Variants in MACC1 observed in about 807,000 individuals in gnomAD.
The protein encoded by MACC1 is MET transcriptional regulator MACC1.
In MACC1, 79 loss-of-function variants were observed where a neutral mutation model predicts 70.7. That is an observed-to-expected ratio of 1.12 (90% CI 0.93 to 1.35). The LOEUF is 1.35. Among genes scored for constraint, MACC1 ranks in the 40% most tolerant of loss-of-function variants. The pLI, the probability that MACC1 is intolerant of heterozygous loss-of-function variation, is 0.00. For synonymous variants in MACC1, 361 were observed against 347.2 expected (o/e 1.04, Z -0.44); for missense variants, 1,106 against 978.1 (o/e 1.13, Z -1.74).
At chr7:20,206,599 G>T (rs1782913813) in intron 1 of MACC1, among the ~76,000 whole-genome samples, 1 of 152,112 alleles carries the variant, frequency 6.6e-6, no homozygotes. Context: ...TAACACCCCT[G>T]GGAGAGCCAT....
chr7:20,166,543 T>G (rs114453711), intron 2 of MACC1, among the ~76,000 whole-genome samples: 3,227 of 152,258 alleles, frequency 0.021, 113 homozygotes, highest in African/African-American at 0.071. Flanking sequence ...TTCTCCCAGT[T>G]ATTAAATACT....
intron 1 of MACC1, among the ~76,000 whole-genome samples, chr7:20,186,105 A>G (rs1249111932): frequency 2.0e-5 from 3 of 152,202 alleles, no homozygotes; most frequent in East Asian, 3.8e-4. Context: ...CTACTATTAC[A>G]TTTACGATAG....
chr7:20,169,907 A>T (rs913136128), intron 2 of MACC1, among the ~76,000 whole-genome samples: 1 of 152,236 alleles, frequency 6.6e-6, no homozygotes, highest in African/African-American at 2.4e-5. Context: ...CCTCCTGGTT[A>T]TTCCAGTGCA....
At chr7:20,151,012 C>T (rs746208139) in intron 6 of MACC1, among the ~76,000 whole-genome samples, 4 of 150,086 alleles carry the variant, frequency 2.7e-5, no homozygotes, top group Non-Finnish European at 4.4e-5. Context: ...TGTGCCATTG[C>T]ACTCCAGCCT....
chr7:20,208,019 T>A (rs964857877), intron 1 of MACC1, among the ~76,000 whole-genome samples: 2 of 152,204 alleles, frequency 1.3e-5, no homozygotes, highest in Admixed American at 1.3e-4. Context: ...GATGCTTTTA[T>A]AAGTGTCTGG....
At chr7:20,205,026 C>T (rs560172827) in intron 1 of MACC1, among the ~76,000 whole-genome samples, 76 of 151,876 alleles carry the variant, frequency 5.0e-4, no homozygotes, top group Middle Eastern at 3.4e-3. Context: ...GAGCAAGTTT[C>T]GGTAAATTTT....
intron 1 of MACC1, among the ~76,000 whole-genome samples, chr7:20,183,736 T>C (rs1006823106): frequency 7.3e-6 from 1 of 137,172 alleles, no homozygotes; most frequent in African/African-American, 2.9e-5. Context: ...TGAGGGAGAG[T>C]CTCACTCTGT....
At position 20,158,330 on chromosome 7, in the gene MACC1, G is replaced by A; in HGVS notation, c.2031C>T (p.Ser677=). ...CTTGAATTTGATCAAAATCTTCCAG[G>A]GACAGATGTGAGTAACCCAGGACAT... The part of the protein sequence containing the change: ...LADVLGYSHL[S]LEDFDQIQAD... Residue 677 remains serine (S), a synonymous_variant, in exon 5 of 7, where the codon TCC becomes TCT. Coordinates refer to ENST00000400331, the MANE Select transcript of MACC1 (RefSeq NM_182762.4). The A allele has an allele frequency of 1.2e-6, 2 of 1,613,628 alleles. No homozygotes were observed. Among genetic ancestry groups the A allele is most frequent in the South Asian group, 1.1e-5 (1 of 90,996 alleles).
At chr7:20,195,971 G>T (rs911618610) in intron 1 of MACC1, among the ~76,000 whole-genome samples, 1 of 151,886 alleles carries the variant, frequency 6.6e-6, no homozygotes, top group South Asian at 2.1e-4. Flanking sequence ...CATTAATACT[G>T]GTCAGTTGTC....
chr7:20,203,958 T>TA (rs1001555723), intron 1 of MACC1, among the ~76,000 whole-genome samples: 3 of 151,832 alleles, frequency 2.0e-5, no homozygotes, highest in Admixed American at 6.6e-5. Context: ...ATATATTAAG[T>TA]AAAAAAAAGG....
At chr7:20,191,041 T>G (rs1450476446) in intron 1 of MACC1, among the ~76,000 whole-genome samples, 1 of 152,216 alleles carries the variant, frequency 6.6e-6, no homozygotes. Flanking sequence ...TAAGCATTTT[T>G]TCTTAGTGGA....
In MACC1 at chr7:20,138,519, A is replaced by G. The variant is rs1781749999; in HGVS notation, c.*2427T>C. ...TTCTAAAGAAAGCAAAATCACCACA[A>G]AAAAGGACTGTGTTCTGAAAGTAAA... On this transcript the variant is annotated 3_prime_UTR_variant, in exon 7 of 7. Coordinates refer to ENST00000400331, the MANE Select transcript of MACC1 (RefSeq NM_182762.4). 6.6e-6 allele frequency: 1 copy of G among 152,130 alleles called. No homozygotes were observed. Among genetic ancestry groups the G allele is most frequent in the Non-Finnish European group, 1.5e-5 (1 of 68,020 alleles). The allele number at this position is 152,130 out of a possible 1,614,324, so 9.4% of individuals were successfully genotyped here. A position where few individuals can be genotyped will look rare whatever the true frequency, so the allele number is the denominator to read the frequency against.
At chr7:20,201,884 C>A (rs1782839291) in intron 1 of MACC1, among the ~76,000 whole-genome samples, 1 of 152,204 alleles carries the variant, frequency 6.6e-6, no homozygotes, top group Non-Finnish European at 1.5e-5. Flanking sequence ...CCAGTTGGAA[C>A]CATGTCTTCC....
In MACC1 at chr7:20,136,148, G is replaced by C. The variant is rs1781715093; in HGVS notation, c.*4798C>G. 6.6e-6 allele frequency: 1 copy of C among 152,234 alleles called. No homozygotes were observed. Among genetic ancestry groups the C allele is most frequent in the Non-Finnish European group, 1.5e-5 (1 of 68,034 alleles). The allele number at this position is 152,234 out of a possible 1,614,324, so 9.4% of individuals were successfully genotyped here. ...TTCAAGTTCCTTGTTTTACTGGTGA[G>C]AAAACTGAAGACCAGAGAGGCCAAG... On this transcript the variant is annotated 3_prime_UTR_variant, in exon 7 of 7. Coordinates refer to ENST00000400331, the MANE Select transcript of MACC1 (RefSeq NM_182762.4).
chr7:20,137,449 A>C lies in MACC1; in HGVS notation c.*3497T>G, dbSNP rs1459394846. Reference sequence around the variant, plus strand: ...TGCTTCTACTTAATTGTTTCATATAAAGGCTTTAACACAAAGGAGGTAGAG... The same window carrying C: ...TGCTTCTACTTAATTGTTTCATATACAGGCTTTAACACAAAGGAGGTAGAG... On this transcript the variant is annotated 3_prime_UTR_variant, in exon 7 of 7. Transcript: ENST00000400331. 1 of 152,252 alleles carries C rather than the reference A, an allele frequency of 6.6e-6. No individual in the cohort carries two copies. Among genetic ancestry groups the C allele is most frequent in the Non-Finnish European group, 1.5e-5 (1 of 68,040 alleles). 9.4% of individuals were successfully genotyped at this position (152,252 alleles called of 1,614,324 possible).
rs1782089519 is a variant in MACC1 at position 20,158,562 on chromosome 7, C to T, written c.1799G>A (p.Gly600Glu). The change falls in exon 5 of 7, where the codon GGA becomes GAA. Residue 600 changes from glycine to glutamate, a missense_variant. Physicochemically the swap from Gly to Glu is moderately conservative, Grantham distance 98. Transcript: ENST00000400331. ...GQSKVKEWYV[G>E]VLRGKIGLVH... ...AAGTCCAATCTTACCTCTGAGGACT[C>T]CTACATACCATTCTTTCACTTTGGA... 1 of 1,614,010 alleles carries T rather than the reference C, an allele frequency of 6.2e-7. No homozygotes were observed. The highest frequency in any genetic ancestry group is 8.5e-7 in the Non-Finnish European group (1 of 1,179,960).
chr7:20,161,855 A>G lies in MACC1; in HGVS notation c.8T>C (p.Ile3Thr). The change falls in exon 4 of 7, where the codon ATC (isoleucine) becomes ACC (threonine). Residue 3 changes from isoleucine (I) to threonine (T), a missense_variant. Transcript: ENST00000400331. ...TGACCGAAAATGTTTTCTTTCAGTG[A>G]TTAGCATTTTTCCACCTACAAAGTA... MLITERKHFRSGR... is the reference protein window; with the variant it reads MLTTERKHFRSGR... 1 of 1,607,248 alleles carries G rather than the reference A, an allele frequency of 6.2e-7. No homozygotes were observed. The highest frequency in any genetic ancestry group is 1.1e-5 in the South Asian group (1 of 90,896).
rs1781736852 is a variant in MACC1 at position 20,137,725 on chromosome 7, T to G, written c.*3221A>C. 1 of 152,332 alleles carries G rather than the reference T, an allele frequency of 6.6e-6. No homozygotes were observed. Among genetic ancestry groups the G allele is most frequent in the South Asian group, 2.1e-4 (1 of 4,828 alleles). The allele number at this position is 152,332 out of a possible 1,614,324, so 9.4% of individuals were successfully genotyped here. ...GCCAAATATTGAAGGCAATTCATGA[T>G]TACTAATTTAATCTTTTCTGATTAT... On this transcript the variant is annotated 3_prime_UTR_variant, in exon 7 of 7. Coordinates refer to ENST00000400331, the MANE Select transcript of MACC1 (RefSeq NM_182762.4).
intron 6 of MACC1, chr7:20,147,669 A>C (rs940180678): frequency 2.0e-5 from 3 of 152,230 alleles, no homozygotes; most frequent in African/African-American, 7.2e-5. Context: ...TGTCCTCACG[A>C]GGGAGATGCT....
Sources: gnomAD v4.1 joint callset for allele counts (sites outside exome capture counted in the v4.1 genomes callset) on GRCh38, gnomAD v4.1.1 for gene constraint, MANE v1.5 for transcripts, NCBI Gene and HGNC (gene_info 2026-07-23, HGNC 2026-07-21) for gene names.